COL3A1: variants seen among roughly 807,000 people sequenced by gnomAD.
COL3A1 encodes the protein collagen type III alpha 1 chain.
In COL3A1, 46 loss-of-function variants were observed where a neutral mutation model predicts 200.9. That is an observed-to-expected ratio of 0.23 (90% CI 0.18 to 0.29). COL3A1 has a LOEUF of 0.29. COL3A1 is among the 10% of genes least tolerant of loss of function. The pLI, the probability that COL3A1 is intolerant of heterozygous loss-of-function variation, is 1.00. For missense variants in COL3A1, 1,367 were observed against 1,917.6 expected (o/e 0.71, Z 5.36); for synonymous variants, 650 against 628.0 (o/e 1.03, Z -0.52).
chr2:189,007,646 A>G (rs371825603), intron 45 of COL3A1, 39 bp downstream of exon 45: 21 of 1,529,208 alleles, frequency 1.4e-5, no homozygotes, highest in Non-Finnish European at 1.7e-5. Flanking sequence ...CCTTCAATGT[A>G]TACAAATTTT....
chr2:188,982,823 G>C (rs1396000207), intron 1 of COL3A1, among the ~76,000 whole-genome samples: 1 of 151,824 alleles, frequency 6.6e-6, no homozygotes, highest in Non-Finnish European at 1.5e-5. Flanking sequence ...TGTAATTACA[G>C]TGTTCCATGT....
chr2:188,982,227 T>A (rs1687968543), intron 1 of COL3A1, among the ~76,000 whole-genome samples: 1 of 151,698 alleles, frequency 6.6e-6, no homozygotes, highest in South Asian at 2.1e-4. Context: ...AGTACTATAA[T>A]ATGTTTCTAA....
In COL3A1 at chr2:188,995,145, T is replaced by C. The variant is rs183053709; in HGVS notation, c.1509+46T>C. On this transcript the variant is annotated intron_variant, in intron 21 of 50. Coordinates refer to ENST00000304636, the MANE Select transcript of COL3A1 (RefSeq NM_000090.4). ...TGTTCCTAAATGCTAGCACCACAAA[T>C]GGGCAGTTCTTGTATACAATTTCTC... 49 of 1,532,792 alleles carry C rather than the reference T, an allele frequency of 3.2e-5. No homozygotes were observed. In the African/African-American group the frequency reaches 5.4e-4, roughly 17 times the overall value. 94.9% of individuals were successfully genotyped at this position (1,532,792 alleles called of 1,614,324 possible).
At position 189,007,893 on chromosome 2, in the gene COL3A1, T is replaced by C. The variant is rs1481753227; in HGVS notation, c.3372T>C (p.Ala1124=). The C allele has an allele frequency of 6.2e-7, 1 of 1,614,088 alleles. No homozygotes were observed. Among genetic ancestry groups the C allele is most frequent in the Admixed American group, 1.7e-5 (1 of 60,020 alleles). ...ACTTCCTTTCTTTCCAGGGCCCTGCTGGTCAGCAGGGTGCAATCGGCAGTC... is the reference window on the plus strand; with the variant it reads ...ACTTCCTTTCTTTCCAGGGCCCTGCCGGTCAGCAGGGTGCAATCGGCAGTC... ...NPGAPGSPGP[A]GQQGAIGSPG... is the part of the protein sequence containing the mutation. Residue 1124 remains alanine (A), a synonymous_variant, in exon 46 of 51, where the codon GCT becomes GCC. Transcript: ENST00000304636.
chr2:188,978,816 A>AG (rs1687886560), intron 1 of COL3A1, among the ~76,000 whole-genome samples: 1 of 151,320 alleles, frequency 6.6e-6, no homozygotes, highest in South Asian at 2.1e-4. Context: ...GACTTTTCAA[A>AG]GGGGAAACTT....
At position 189,010,801 on chromosome 2, in the gene COL3A1, G is replaced by T. The variant is rs202022204; in HGVS notation, c.4165G>T (p.Ala1389Ser). Reference sequence around the variant, plus strand: ...TCAGGCCAGTGGAAATGTAAAGAAGGCCCTGAAGCTGATGGGGTCAAATGA... The same window carrying T: ...TCAGGCCAGTGGAAATGTAAAGAAGTCCCTGAAGCTGATGGGGTCAAATGA... ...MDQASGNVKK[A>S]LKLMGSNEGE... Residue 1389 changes from alanine (A) to serine (S), a missense_variant, in exon 50 of 51, where the codon GCC becomes TCC. Around this residue, in one of 5 missense-constraint regions of COL3A1, gnomAD observed 846 missense variants for 1,147.9 expected, o/e 0.74. Transcript: ENST00000304636. The T allele has an allele frequency of 3.2e-5, 51 of 1,614,018 alleles. No homozygotes were observed. Among genetic ancestry groups the T allele is most frequent in the Non-Finnish European group, 4.1e-5 (48 of 1,180,016 alleles).
intron 7 of COL3A1, 75 bp from the exon 8 acceptor site, chr2:188,989,321 T>C: frequency 9.2e-7 from 1 of 1,086,090 alleles, no homozygotes; most frequent in Non-Finnish European, 1.4e-6. Context: ...CTTCCAGGAA[T>C]ACATACACTG....
chr2:188,978,713 A>C (rs1327852626), intron 1 of COL3A1, among the ~76,000 whole-genome samples: 2 of 150,624 alleles, frequency 1.3e-5, no homozygotes, highest in Non-Finnish European at 3.0e-5. Flanking sequence ...TTCTTGTAAA[A>C]GTTTTCCCTA....
At chr2:189,008,314 C>T (rs1688642332) in intron 47 of COL3A1, 172 bp downstream of exon 47, 3 of 672,112 alleles carry the variant, frequency 4.5e-6, no homozygotes, top group Admixed American at 4.8e-5. Context: ...GTTTCTACCA[C>T]ACTATAACAG....
intron 16 of COL3A1, among the ~76,000 whole-genome samples, chr2:188,993,790 C>T (rs940383851): frequency 6.6e-6 from 1 of 152,004 alleles, no homozygotes; most frequent in Admixed American, 6.6e-5. Flanking sequence ...AGAGAAGAAC[C>T]AAATTCAAAA....
Position 188,996,305 on chromosome 2 carries a change from TAC to T in COL3A1, c.1663-71_1663-70del, listed in dbSNP as rs141685938. 2.8e-3 allele frequency: 1,785 copies of T among 628,298 alleles called. 1 individual carries two copies. Among genetic ancestry groups the T allele is most frequent in the Middle Eastern group, 5.9e-3 (13 of 2,208 alleles). The allele number at this position is 628,298 out of a possible 1,614,324, so 38.9% of individuals were successfully genotyped here. On this transcript the variant is annotated intron_variant, in intron 23 of 50. Coordinates refer to ENST00000304636, the MANE Select transcript of COL3A1 (RefSeq NM_000090.4). Reference sequence around the variant, plus strand: ...ATATGTATATGTATATCTATATATATACACACACACACACACACACACATACT... The same window carrying T: ...ATATGTATATGTATATCTATATATATACACACACACACACACACACATACT...
chr2:189,003,095 C>G (rs1209407497), intron 36 of COL3A1, 33 bp downstream of exon 36: 2 of 1,431,326 alleles, frequency 1.4e-6, no homozygotes, highest in Admixed American at 2.0e-5. Flanking sequence ...GTCTATCTAT[C>G]TATCATCTAT....
intron 32 of COL3A1, 135 bp downstream of exon 32, chr2:189,000,030 T>G: frequency 1.2e-6 from 1 of 853,632 alleles, no homozygotes; most frequent in Non-Finnish European, 1.9e-6. Flanking sequence ...CCGAATGACT[T>G]GATTTATAAT....
chr2:189,003,042 C>G lies in COL3A1; in HGVS notation c.2533C>G (p.Pro845Ala). The G allele has an allele frequency of 6.4e-7, 1 of 1,551,328 alleles. No homozygotes were observed. The highest frequency in any genetic ancestry group is 8.7e-7 in the Non-Finnish European group (1 of 1,146,828). ...AGGCCCTCCTGGAGTTGCAGGACCCCCTGGAGGTTCTGGACCTGCTGTAAG... is the reference window on the plus strand; with the variant it reads ...AGGCCCTCCTGGAGTTGCAGGACCCGCTGGAGGTTCTGGACCTGCTGTAAG... ...EGGPPGVAGP[P>A]GGSGPAGPPG... Residue 845 changes from proline to alanine, a missense_variant, in exon 36 of 51, where the codon CCT (proline) becomes GCT (alanine). Pro to Ala is a conservative substitution (Grantham distance 27). Transcript: ENST00000304636.
rs1251088833 is a variant in COL3A1, at chr2:188,985,208, T to C, written c.294T>C (p.Pro98=). 1 of 1,612,376 alleles carries C rather than the reference T, an allele frequency of 6.2e-7. No individual in the cohort carries two copies. Among genetic ancestry groups the C allele is most frequent in the East Asian group, 2.2e-5 (1 of 44,848 alleles). Residue 98 remains proline, a synonymous_variant, in exon 3 of 51, where the codon CCT becomes CCC. Coordinates refer to ENST00000304636, the MANE Select transcript of COL3A1 (RefSeq NM_000090.4). ...TTTCCATTTATTAGCCTACTCGCCC[T>C]CCTAATGGTCAAGGACCTCAAGGCC... The part of the protein sequence containing the change: ...CPQPPTAPTR[P]PNGQGPQGPK...
rs1688402573 is a variant in COL3A1 at position 188,999,385 on chromosome 2, T to TA, written c.2121+4dup. ...CCCCCTGGTCCCGAAGGAGGAAAGGTAACTCCACAGCATTCCATTCACCTA... is the reference window on the plus strand; with the variant it reads ...CCCCCTGGTCCCGAAGGAGGAAAGGTAAACTCCACAGCATTCCATTCACCTA... On this transcript the variant is annotated splice_region_variant and intron_variant, in intron 30 of 50. Transcript: ENST00000304636. 1 of 1,612,416 alleles carries TA rather than the reference T, an allele frequency of 6.2e-7. No homozygotes were observed. The highest frequency in any genetic ancestry group is 1.3e-5 in the African/African-American group (1 of 74,888).
chr2:188,997,284 T>C, intron 25 of COL3A1, 52 bp from the exon 26 acceptor site: 1 of 1,612,922 alleles, frequency 6.2e-7, no homozygotes, highest in Non-Finnish European at 8.5e-7. Context: ...ACCTTCTGAC[T>C]TCTCTCTGTA....
intron 44 of COL3A1, 62 bp from the exon 45 acceptor site, chr2:189,007,438 C>G: frequency 7.9e-7 from 1 of 1,259,100 alleles, no homozygotes; most frequent in Non-Finnish European, 1.1e-6. Context: ...ATTATAAATT[C>G]TATTTTATTT....
At chr2:188,991,131 G>A (rs545999983) in intron 11 of COL3A1, 74 bp downstream of exon 11, 3 of 1,476,106 alleles carry the variant, frequency 2.0e-6, no homozygotes, top group African/African-American at 1.4e-5. Context: ...GATTCATATT[G>A]TGAGCCTTAA....
Sources: gnomAD v4.1 joint callset for allele counts (sites outside exome capture counted in the v4.1 genomes callset) on GRCh38, gnomAD v4.1.1 for gene constraint, gnomAD v4.1.1 regional missense constraint, MANE v1.5 for transcripts, NCBI Gene and HGNC (gene_info 2026-07-23, HGNC 2026-07-21) for gene names.